The following RSPH14 variants were observed in gnomAD, a reference collection of about 807,000 sequenced individuals.
The protein encoded by RSPH14 is rhabdoid tumor deletion region gene 1.
RSPH14 carries 20 observed loss-of-function variants against 26.7 expected under a neutral mutation model. The observed-to-expected ratio is 0.75, with a 90% CI of 0.53 to 1.09. RSPH14 has a LOEUF of 1.09. Among genes scored for constraint, RSPH14 ranks in the 50% least tolerant of loss-of-function variants. RSPH14 has a pLI of 0.00. For synonymous variants in RSPH14, 177 were observed against 189.3 expected (o/e 0.93, Z 0.53); for missense variants, 449 against 457.2 (o/e 0.98, Z 0.16).
At chr22:23,128,597 C>T (rs1319888214) in intron 4 of RSPH14, among the ~76,000 whole-genome samples, 1 of 152,178 alleles carries the variant, frequency 6.6e-6, no homozygotes, top group Non-Finnish European at 1.5e-5. Flanking sequence ...ATCCTCAGTC[C>T]TGGGGTGCCC....
intron 3 of RSPH14, among the ~76,000 whole-genome samples, chr22:23,138,528 C>T (rs1374705267): frequency 6.6e-6 from 1 of 152,126 alleles, no homozygotes; most frequent in East Asian, 1.9e-4. Context: ...TGTCACCGTA[C>T]TCCAGCCTGG....
chr22:23,129,569 CAAA>C (rs753269291), intron 4 of RSPH14, among the ~76,000 whole-genome samples: 1 of 118,378 alleles, frequency 8.4e-6, no homozygotes. Flanking sequence ...ACACGGCACT[CAAA>C]AAAAAAAAAG....
At chr22:23,061,658 A>C in intron 6 of RSPH14, 151 bp downstream of exon 6, 1 of 982,126 alleles carries the variant, frequency 1.0e-6, no homozygotes, top group South Asian at 1.7e-5. Context: ...CAACCTTGAA[A>C]GGACATCAGT....
upstream of RSPH14, chr22:23,145,247 G>GC: frequency 5.4e-6 from 1 of 186,630 alleles, no homozygotes; most frequent in Non-Finnish European, 1.0e-5. Context: ...CCATAGCCCC[G>GC]CCCACCGCCC....
intron 4 of RSPH14, among the ~76,000 whole-genome samples, chr22:23,078,319 C>A (rs1270762671): frequency 1.3e-5 from 2 of 152,244 alleles, no homozygotes; most frequent in Non-Finnish European, 2.9e-5. Flanking sequence ...AAACACTGGG[C>A]CAGTGCCAGG....
At chr22:23,106,210 A>T (rs1344757189) in intron 4 of RSPH14, among the ~76,000 whole-genome samples, 1 of 152,242 alleles carries the variant, frequency 6.6e-6, no homozygotes, top group African/African-American at 2.4e-5. Flanking sequence ...AGACCCTGCA[A>T]GTCAGTGATG....
chr22:23,070,229 C>CGGCGCGTGGTGCCCGGCG (rs1289653975), intron 4 of RSPH14: 3 of 150,432 alleles, frequency 2.0e-5, no homozygotes, highest in African/African-American at 7.3e-5. Context: ...CGGAGGTGCC[C>CGGCGCGTGGTGCCCGGCG]GGCGCGTGGT....
intron 4 of RSPH14, chr22:23,095,930 G>A (rs1354293183): frequency 5.0e-6 from 8 of 1,613,170 alleles, no homozygotes; most frequent in Admixed American, 1.7e-5. Context: ...CAATGCCATC[G>A]ACTCGCTGAC....
chr22:23,074,750 G>A (rs149868676), intron 4 of RSPH14, among the ~76,000 whole-genome samples: 24 of 152,176 alleles, frequency 1.6e-4, no homozygotes, highest in Non-Finnish European at 2.6e-4. Context: ...TCACAGTGGC[G>A]CCTCGGGAGG....
At chr22:23,154,054 C>G in the RSPH14 span, among the ~76,000 whole-genome samples, 2 of 152,020 alleles carry the variant, frequency 1.3e-5, no homozygotes, top group African/African-American at 4.8e-5. Flanking sequence ...ACTGGCCTTA[C>G]CCCTTCCCTC....
At chr22:23,177,155 G>A in the RSPH14 span, among the ~76,000 whole-genome samples, 2 of 152,172 alleles carry the variant, frequency 1.3e-5, no homozygotes, top group African/African-American at 4.8e-5. Context: ...CTCCCAACCT[G>A]GCTGCTCCTC....
chr22:23,082,131 A>G (rs1011358181), intron 4 of RSPH14, among the ~76,000 whole-genome samples: 1 of 120,208 alleles, frequency 8.3e-6, no homozygotes, highest in Non-Finnish European at 1.6e-5. Flanking sequence ...CCTCAAAAAA[A>G]AAACAAAAAA....
intron 4 of RSPH14, among the ~76,000 whole-genome samples, chr22:23,119,475 T>C (rs957096966): frequency 6.6e-6 from 1 of 152,210 alleles, no homozygotes; most frequent in Non-Finnish European, 1.5e-5. Flanking sequence ...GCCTCTGGTC[T>C]AGGAACAAAC....
chr22:23,143,292 AAAAT>A (rs57037255), upstream of RSPH14, among the ~76,000 whole-genome samples: 2,369 of 141,910 alleles, frequency 0.017, 28 homozygotes, highest in Admixed American at 0.02. Context: ...CCTCAACTCT[AAAAT>A]AAATAAATAA....
At chr22:23,158,920 A>G in the RSPH14 span, 2 of 1,614,122 alleles carry the variant, frequency 1.2e-6, no homozygotes, top group Non-Finnish European at 1.7e-6. Flanking sequence ...GGATGCTCTG[A>G]GGGAGAACGA....
the RSPH14 span, chr22:23,158,079 G>A: frequency 6.2e-7 from 1 of 1,612,386 alleles, no homozygotes; most frequent in Non-Finnish European, 8.5e-7. Context: ...CAGTCTCCCT[G>A]GGCTCAGGAA....
At chr22:23,101,491 C>T (rs1156748802) in intron 4 of RSPH14, among the ~76,000 whole-genome samples, 2 of 152,146 alleles carry the variant, frequency 1.3e-5, no homozygotes, top group African/African-American at 2.4e-5. Context: ...ACACTCCCCT[C>T]GTCCCCTTGT....
At chr22:23,129,275 C>A (rs2070251569) in intron 4 of RSPH14, among the ~76,000 whole-genome samples, 1 of 152,190 alleles carries the variant, frequency 6.6e-6, no homozygotes, top group Non-Finnish European at 1.5e-5. Context: ...CAACTGTCCC[C>A]TGCATACCCG....
chr22:23,138,651 C>T (rs566230250), intron 3 of RSPH14, among the ~76,000 whole-genome samples, 189 bp downstream of exon 3: 1 of 151,612 alleles, frequency 6.6e-6, no homozygotes, highest in African/African-American at 2.4e-5. Flanking sequence ...GAACAGAGGG[C>T]CCCATAAGAT....
Sources: allele counts gnomAD v4.1 joint callset (sites outside exome capture counted in the v4.1 genomes callset), GRCh38; gene constraint gnomAD v4.1.1; transcripts MANE v1.5; gene names NCBI Gene and HGNC (gene_info 2026-07-23, HGNC 2026-07-21).